IGF2: variants seen among roughly 807,000 people sequenced by gnomAD.
IGF2 encodes insulin like growth factor 2.
Under a neutral mutation model 12.0 loss-of-function variants are expected in IGF2, and 2 were observed. The ratio of observed to expected loss-of-function variants is 0.17; its 90% confidence interval spans 0.07 to 0.52. The LOEUF is 0.52. Ranked by LOEUF, IGF2 falls within the 20% of genes least tolerant of loss-of-function variation. IGF2 has a pLI of 0.95. For missense variants in IGF2, 211 were observed against 268.0 expected (o/e 0.79, Z 1.48); for synonymous variants, 105 against 110.1 (o/e 0.95, Z 0.29).
upstream of IGF2, chr11:2,140,663 G>A (rs1305578807): frequency 4.2e-6 from 2 of 481,752 alleles, no homozygotes; most frequent in Admixed American, 2.2e-5. Flanking sequence ...CGAAAGTGGC[G>A]CGGATTTCGG....
chr11:2,133,156 C>T lies in IGF2; in HGVS notation c.374G>A (p.Arg125His), dbSNP rs757547834. ...GAGGGCAGGCAGGCCCCTGCGCAGG[C>T]GCTGGGTGGACTGCTTCCAGGTGTC... ...QYDTWKQSTQ[R>H]LRRGLPALLR... The change falls in exon 4 of 4, where the codon CGC (arginine) becomes CAC (histidine). Residue 125 changes from arginine to histidine, a missense_variant. Transcript: ENST00000416167. This position sits in a 1 kb window ranked among gnomAD's most constrained non-coding sequence, Gnocchi z 8.9. The T allele has an allele frequency of 5.0e-6, 8 of 1,597,870 alleles. No individual in the cohort carries two copies. Among genetic ancestry groups the T allele is most frequent in the South Asian group, 1.1e-5 (1 of 89,668 alleles).
intron 2 of IGF2, chr11:2,134,259 C>A: frequency 2.4e-6 from 1 of 417,862 alleles, no homozygotes; most frequent in Admixed American, 3.3e-5. Flanking sequence ...GGGGGCTCCA[C>A]CTTGGGGTGC....
At chr11:2,146,490 G>A in the IGF2 span, 24 of 489,864 alleles carry the variant, frequency 4.9e-5, no homozygotes, top group East Asian at 1.3e-3. Flanking sequence ...AGACAGCACA[G>A]ACCACCCCAA....
chr11:2,136,859 C>T (rs1367498359), intron 1 of IGF2, among the ~76,000 whole-genome samples: 1 of 152,260 alleles, frequency 6.6e-6, no homozygotes, highest in East Asian at 1.9e-4. Flanking sequence ...AGCCCCACCA[C>T]TCTGAACTTG....
chr11:2,140,014 G>A (rs889752576), upstream of IGF2: 2 of 937,736 alleles, frequency 2.1e-6, no homozygotes, highest in East Asian at 3.1e-5. Context: ...GCCCCCGCCA[G>A]GTGCGGGACG....
intron 2 of IGF2, chr11:2,134,103 T>A (rs1858818690): frequency 4.0e-6 from 2 of 498,014 alleles, no homozygotes; most frequent in African/African-American, 2.0e-5. Context: ...ACACCACCCC[T>A]GGAGCTGCTG....
chr11:2,148,809 C>T, the IGF2 span: 11 of 358,500 alleles, frequency 3.1e-5, no homozygotes, highest in African/African-American at 8.3e-5. The surrounding 1 kb of genome is among the most constrained non-coding windows in gnomAD (Gnocchi z 4.3). Context: ...CTGGGAAGAG[C>T]GGCCTAGCCC....
chr11:2,137,334 C>T, intron 1 of IGF2: 2 of 864,004 alleles, frequency 2.3e-6, no homozygotes, highest in Non-Finnish European at 1.4e-6. Context: ...CCGACTCCTC[C>T]CAGCCCGGGC....
chr11:2,133,651 G>A lies in IGF2; in HGVS notation c.172C>T (p.Arg58Cys). The change falls in exon 3 of 4, where the codon CGT (arginine) becomes TGT (cysteine). Residue 58 changes from arginine to cysteine, a missense_variant. By Grantham distance (180) the Arg-to-Cys change is radical. This residue lies in a region of IGF2 where 30 missense variants were observed against 79.2 expected (regional missense o/e 0.38). Transcript: ENST00000416167. The surrounding 1 kb of genome is among the most constrained non-coding windows in gnomAD (Gnocchi z 8.9). ...ATGCCACGGCTGCGACGGCTCACAC[G>A]GCTTGCGGGCCTGCCTGGAAGTCCC... is the stretch of plus-strand genomic sequence containing the variant. ...RGFYFSRPAS[R>C]VSRRSRGIVE... The A allele has an allele frequency of 6.2e-7, 1 of 1,613,002 alleles. No homozygotes were observed. The highest frequency in any genetic ancestry group is 8.5e-7 in the Non-Finnish European group (1 of 1,179,992).
upstream of IGF2, among the ~76,000 whole-genome samples, chr11:2,142,103 C>T (rs1859634061): frequency 6.6e-6 from 1 of 151,742 alleles, no homozygotes; most frequent in Non-Finnish European, 1.5e-5. The surrounding 1 kb of genome is among the most constrained non-coding windows in gnomAD (Gnocchi z 5.7). Context: ...TTCTTGGGAC[C>T]CAGGGACATT....
chr11:2,140,589 G>A, upstream of IGF2: 1 of 501,528 alleles, frequency 2.0e-6, no homozygotes, highest in African/African-American at 2.1e-5. Flanking sequence ...CCAGCCCCCT[G>A]CCCGCCCCAC....
upstream of IGF2, among the ~76,000 whole-genome samples, chr11:2,142,158 G>A (rs1182181537): frequency 6.6e-6 from 1 of 151,896 alleles, no homozygotes; most frequent in Admixed American, 6.6e-5. The surrounding 1 kb of genome is among the most constrained non-coding windows in gnomAD (Gnocchi z 5.7). Context: ...CTAAATGTAG[G>A]GGGACCCAGG....
chr11:2,135,359 C>G lies in IGF2; in HGVS notation c.157+8G>C. The G allele has an allele frequency of 6.2e-7, 1 of 1,604,926 alleles. No homozygotes were observed. The highest frequency in any genetic ancestry group is 1.7e-5 in the Admixed American group (1 of 59,014). On this transcript the variant is annotated splice_region_variant and intron_variant, in intron 2 of 3. Transcript: ENST00000416167. ...CCAGGTCTGAGGAAGCCCCTCCCAG[C>G]TACTTACTGAAGTAGAAGCCGCGGT...
intron 1 of IGF2, chr11:2,137,159 G>T: frequency 2.3e-6 from 2 of 884,748 alleles, no homozygotes; most frequent in Non-Finnish European, 2.7e-6. Context: ...GGATGGCAGC[G>T]GGGGTCCTCA....
At chr11:2,142,217 A>AC (rs1458115276), upstream of IGF2, among the ~76,000 whole-genome samples, 4 of 151,822 alleles carry the variant, frequency 2.6e-5, no homozygotes, top group African/African-American at 4.8e-5. The surrounding 1 kb of genome is among the most constrained non-coding windows in gnomAD (Gnocchi z 5.7). Context: ...TAAAAAAAAA[A>AC]AAACCTCAAT....
At chr11:2,142,275 G>C (rs778808779), upstream of IGF2, among the ~76,000 whole-genome samples, 15 of 152,178 alleles carry the variant, frequency 9.9e-5, no homozygotes, top group Non-Finnish European at 1.6e-4. This position sits in a 1 kb window ranked among gnomAD's most constrained non-coding sequence, Gnocchi z 5.7. Flanking sequence ...AAGGCTGGGA[G>C]ACAATACCGC....
intron 1 of IGF2, among the ~76,000 whole-genome samples, chr11:2,136,365 C>T (rs1447223931): frequency 6.6e-6 from 1 of 152,252 alleles, no homozygotes; most frequent in African/African-American, 2.4e-5. Context: ...AAACTCTCCC[C>T]GTGGGAGCTG....
chr11:2,132,134 CT>C lies in IGF2; in HGVS notation c.*852del. On this transcript the variant is annotated 3_prime_UTR_variant, in exon 4 of 4. Transcript: ENST00000416167. ...TGCGGGGATGCATAAAGTATGAGTG[CT>C]TTTTAGGATGGGAATTGAGATGTAA... 1 of 205,862 alleles carries C rather than the reference CT, an allele frequency of 4.9e-6. No individual in the cohort carries two copies. The highest frequency in any genetic ancestry group is 9.8e-6 in the Non-Finnish European group (1 of 101,562). 12.8% of individuals were successfully genotyped at this position (205,862 alleles called of 1,614,324 possible).
rs1381750028 is a variant in IGF2, at chr11:2,131,888, G to A, written c.*1099C>T. ...GTGTGTGCGTGTGTGCTGTGCGTTT[G>A]TGTGTGCTGTGCGTTTGTGTGTGTG... On this transcript the variant is annotated 3_prime_UTR_variant, in exon 4 of 4. Transcript: ENST00000416167. The A allele has an allele frequency of 1.2e-5, 2 of 166,616 alleles. No individual in the cohort carries two copies. The highest frequency in any genetic ancestry group is 6.7e-5 in the African/African-American group (2 of 29,874). 10.3% of individuals were successfully genotyped at this position (166,616 alleles called of 1,614,324 possible). A position where few individuals can be genotyped will look rare whatever the true frequency, so the allele number is the denominator to read the frequency against.
Sources: allele counts gnomAD v4.1 joint callset (sites outside exome capture counted in the v4.1 genomes callset), GRCh38; gene constraint gnomAD v4.1.1; regional missense constraint gnomAD v4.1.1; non-coding constraint Gnocchi (gnomAD v3.1); transcripts MANE v1.5; gene names NCBI Gene and HGNC (gene_info 2026-07-23, HGNC 2026-07-21).